Variants in NIM1K observed in about 807,000 individuals in gnomAD.
NIM1K encodes the protein serine/threonine-protein kinase NIM1.
A neutral mutation model predicts 37.1 loss-of-function variants in NIM1K; 35 were observed. The ratio of observed to expected loss-of-function variants is 0.94; its 90% CI spans 0.72 to 1.25. The LOEUF is 1.25. Among genes scored for constraint, NIM1K ranks in the 50% most tolerant of loss-of-function variants. NIM1K has a pLI of 0.00. For missense variants in NIM1K, 564 were observed against 548.0 expected (o/e 1.03, Z -0.29); for synonymous variants, 234 against 206.6 (o/e 1.13, Z -1.14).
At chr5:43,228,634 G>A (rs1752493989) in intron 1 of NIM1K, among the ~76,000 whole-genome samples, 1 of 151,450 alleles carries the variant, frequency 6.6e-6, no homozygotes, top group South Asian at 2.1e-4. Context: ...AGACCAGCCT[G>A]GCCAACATGG....
At chr5:43,234,618 C>T (rs960402661) in intron 1 of NIM1K, among the ~76,000 whole-genome samples, 6 of 151,938 alleles carry the variant, frequency 3.9e-5, no homozygotes, top group African/African-American at 1.2e-4. Context: ...CGGATGGGGA[C>T]TTATTTTATA....
At chr5:43,217,709 T>C (rs1027842445) in intron 1 of NIM1K, among the ~76,000 whole-genome samples, 1 of 4,584 alleles carries the variant, frequency 2.2e-4, no homozygotes, top group East Asian at 0.019. Context: ...CCTCTGTCTA[T>C]TTTTTTTTTT....
At chr5:43,246,220 C>T (rs1053232870) in intron 2 of NIM1K, among the ~76,000 whole-genome samples, 153 bp downstream of exon 2, 4 of 152,218 alleles carry the variant, frequency 2.6e-5, no homozygotes, top group African/African-American at 9.6e-5. Flanking sequence ...CTGTGGTCTT[C>T]TCAGTTAATT....
At chr5:43,249,778 A>G (rs1269294774) in intron 2 of NIM1K, among the ~76,000 whole-genome samples, 2 of 152,072 alleles carry the variant, frequency 1.3e-5, no homozygotes, top group Non-Finnish European at 2.9e-5. Flanking sequence ...GACTGTGGAG[A>G]AGGGTGATGA....
intron 2 of NIM1K, among the ~76,000 whole-genome samples, chr5:43,273,097 C>T (rs991798814): frequency 6.6e-6 from 1 of 152,180 alleles, no homozygotes; most frequent in Non-Finnish European, 1.5e-5. Context: ...CCTTGCACCA[C>T]ATAGAGCACC....
intron 2 of NIM1K, among the ~76,000 whole-genome samples, chr5:43,271,880 T>C (rs1233556798): frequency 6.6e-6 from 1 of 152,220 alleles, no homozygotes; most frequent in Non-Finnish European, 1.5e-5. Context: ...TCCATTTCTA[T>C]AATTTTGTCA....
At chr5:43,255,383 A>T (rs941001114) in intron 2 of NIM1K, among the ~76,000 whole-genome samples, 2 of 152,298 alleles carry the variant, frequency 1.3e-5, no homozygotes, top group Middle Eastern at 3.4e-3. Flanking sequence ...TGGAACTTAC[A>T]CTCTAGTGAG....
chr5:43,256,743 C>T (rs1051869755), intron 2 of NIM1K, among the ~76,000 whole-genome samples: 1 of 152,208 alleles, frequency 6.6e-6, no homozygotes, highest in Non-Finnish European at 1.5e-5. Context: ...CCAGCAACCA[C>T]TGACTGGTAG....
intron 1 of NIM1K, among the ~76,000 whole-genome samples, chr5:43,209,375 AGAGGTGCTCTGGTTT>A (rs1174207019): frequency 6.6e-6 from 1 of 152,230 alleles, no homozygotes; most frequent in Non-Finnish European, 1.5e-5. Context: ...TTCCAGCTAG[AGAGGTGCTCTGGTTT>A]AGGGGCACAT....
chr5:43,225,260 CAAAAAAAAAAAAAAAAAAAAA>C (rs10555794), intron 1 of NIM1K, among the ~76,000 whole-genome samples: 2 of 72,674 alleles, frequency 2.8e-5, no homozygotes, highest in East Asian at 9.3e-4. Context: ...ACCCTCTTTC[CAAAAAAAAAAAAAAAAAAAAA>C]AAAAAAAAAG....
chr5:43,266,067 C>T (rs773161552), intron 2 of NIM1K, among the ~76,000 whole-genome samples: 3 of 152,358 alleles, frequency 2.0e-5, no homozygotes, highest in Non-Finnish European at 4.4e-5. Context: ...ACTCAGGGGT[C>T]AGGGACCCAC....
chr5:43,222,056 A>G (rs1286060429), intron 1 of NIM1K, among the ~76,000 whole-genome samples: 1 of 152,220 alleles, frequency 6.6e-6, no homozygotes, highest in East Asian at 1.9e-4. Flanking sequence ...CCAAGTGGAC[A>G]GACACTACCT....
At position 43,215,129 on chromosome 5, in the gene NIM1K, T is replaced by G. The variant is rs146013504; in HGVS notation, c.-695+22718T>G. ...CAGGTCCTCATTATCTGCTTTCACT[T>G]ACCTCCTTGGGGAAATGTTTTCAGC... On this transcript the variant is annotated intron_variant, in intron 1 of 3. Coordinates refer to ENST00000326035, the MANE Select transcript of NIM1K (RefSeq NM_153361.4). Among the ~76,000 whole-genome samples, 329 of 152,336 alleles carry G rather than the reference T, an allele frequency of 2.2e-3. 2 individuals carry two copies. The highest frequency in any genetic ancestry group is 7.5e-3 in the African/African-American group (311 of 41,566).
At chr5:43,275,896 ATTT>A (rs35301860) in intron 2 of NIM1K, among the ~76,000 whole-genome samples, 2 of 134,588 alleles carry the variant, frequency 1.5e-5, no homozygotes, top group Non-Finnish European at 1.6e-5. Flanking sequence ...AAATTGAGTA[ATTT>A]TTTTTTTTTT....
chr5:43,241,311 T>C lies in NIM1K; in HGVS notation c.-694-3771T>C, dbSNP rs1430375113. On this transcript the variant is annotated intron_variant, in intron 1 of 3. Transcript: ENST00000326035. ...ATCATTTTTCTTTTTTGGGAGGATA[T>C]TGGTATTTTTCTTTTCTTTTTCTTT... is the stretch of plus-strand genomic sequence containing the variant. Among the ~76,000 whole-genome samples, 7 of 146,420 alleles carry C rather than the reference T, an allele frequency of 4.8e-5. No individual in the cohort carries two copies. The East Asian group carries it at 1.4e-3, about 29-fold the overall frequency.
At chr5:43,277,349 AC>A (rs769032338) in intron 3 of NIM1K, 24 bp downstream of exon 3, 1 of 1,604,352 alleles carries the variant, frequency 6.2e-7, no homozygotes, top group Admixed American at 1.7e-5. Context: ...ACGAGTGAGA[AC>A]CTTGCTCCCA....
intron 1 of NIM1K, chr5:43,206,616 C>G (rs920837668): frequency 1.6e-6 from 1 of 644,742 alleles, no homozygotes; most frequent in East Asian, 2.9e-5. Flanking sequence ...CCTGGCCTCC[C>G]TGGTGCAGCG....
Position 43,280,710 on chromosome 5 carries a change from A to C in NIM1K, c.1292A>C (p.Lys431Thr). Residue 431 changes from lysine to threonine, a missense_variant, in exon 4 of 4, where the codon AAA (lysine) becomes ACA (threonine). Physicochemically the swap from Lys to Thr is moderately conservative, Grantham distance 78. Transcript: ENST00000326035. ...TACAGAGGGATAAGACACACATCCA[A>C]ATTTTGCTCGATTTTATAAATTGCA... is the stretch of plus-strand genomic sequence containing the variant. Reference protein sequence around the residue: ...RVYRGIRHTSKFCSIL With the variant: ...RVYRGIRHTSTFCSIL 6.3e-7 allele frequency: 1 copy of C among 1,595,752 alleles called. No individual in the cohort carries two copies. The highest frequency in any genetic ancestry group is 8.5e-7 in the Non-Finnish European group (1 of 1,174,682).
At chr5:43,246,165 C>G (rs1752776898) in intron 2 of NIM1K, 98 bp downstream of exon 2, 1 of 1,038,982 alleles carries the variant, frequency 9.6e-7, no homozygotes, top group African/African-American at 1.6e-5. Context: ...GTAAAGTGAC[C>G]TCAGCAGAGC....
Sources: gnomAD v4.1 joint callset for allele counts (sites outside exome capture counted in the v4.1 genomes callset) on GRCh38, gnomAD v4.1.1 for gene constraint, MANE v1.5 for transcripts, NCBI Gene and HGNC (gene_info 2026-07-23, HGNC 2026-07-21) for gene names.